Variants in SLC5A10 observed in about 807,000 individuals in gnomAD.
SLC5A10 encodes sodium/mannose cotransporter SLC5A10.
In SLC5A10, 55 loss-of-function variants were observed where a neutral mutation model predicts 68.9. That is an observed-to-expected ratio of 0.80 (90% CI 0.64 to 1.00). The LOEUF is 1.00. Among genes scored for constraint, SLC5A10 ranks in the 50% least tolerant of loss-of-function variants. SLC5A10 has a pLI of 0.00. For synonymous variants in SLC5A10, 344 were observed against 344.8 expected, an observed-to-expected ratio of 1.00 and a Z score of 0.02; for missense variants, 732 against 819.3, an observed-to-expected ratio of 0.89 and a Z score of 1.30.
rs1473582488 is a variant in SLC5A10 at position 18,981,594 on chromosome 17, C to T, written c.982+4605C>T. 3.3e-5 allele frequency among the ~76,000 whole-genome samples: 5 copies of T among 152,172 alleles called. 1 individual carries two copies. The highest frequency in any genetic ancestry group is 1.9e-4 in the East Asian group (1 of 5,192). On this transcript the variant is annotated intron_variant, in intron 9 of 14. Coordinates refer to ENST00000395645, the MANE Select transcript of SLC5A10 (RefSeq NM_001042450.4). ...AGCCTCCTGCCCTGCCAGTCCTTTC[C>T]GTGTCCCAGACCCCTGTGGCTGGGG... is the stretch of plus-strand genomic sequence containing the variant.
intron 8 of SLC5A10, among the ~76,000 whole-genome samples, chr17:18,974,820 T>C (rs2042939951): frequency 6.6e-6 from 1 of 152,076 alleles, no homozygotes; most frequent in Non-Finnish European, 1.5e-5. Context: ...AGGGAGTGAG[T>C]GCCGGCTTCC....
chr17:18,977,097 T>G, intron 9 of SLC5A10, 108 bp downstream of exon 9: 2 of 1,471,170 alleles, frequency 1.4e-6, no homozygotes, highest in Non-Finnish European at 1.8e-6. Context: ...ATGTGAACTG[T>G]TCCCCAACCT....
Position 19,003,543 on chromosome 17 carries a change from T to G in SLC5A10, c.983-9867T>G, listed in dbSNP as rs1345091134. ...ACCTTCTGTGCCTGGCTGATCATCT[T>G]CCGCACCACCTCTTTGATGTGGGCC... is the stretch of plus-strand genomic sequence containing the variant. On this transcript the variant is annotated intron_variant, in intron 9 of 14. Coordinates refer to ENST00000395645, the MANE Select transcript of SLC5A10 (RefSeq NM_001042450.4). This position sits in a 1 kb window ranked among gnomAD's most constrained non-coding sequence, Gnocchi z 4.5. The G allele has an allele frequency of 6.5e-7, 1 of 1,547,578 alleles. No individual in the cohort carries two copies. The highest frequency in any genetic ancestry group is 2.0e-5 in the Admixed American group (1 of 50,044).
intron 9 of SLC5A10, among the ~76,000 whole-genome samples, chr17:18,989,147 C>G (rs906604384): frequency 6.6e-6 from 1 of 152,206 alleles, no homozygotes; most frequent in Non-Finnish European, 1.5e-5. Context: ...AGACACATGT[C>G]CCACTTTTGG....
intron 1 of SLC5A10, among the ~76,000 whole-genome samples, chr17:18,952,691 A>G (rs1315473474): frequency 6.6e-6 from 1 of 151,872 alleles, no homozygotes; most frequent in Non-Finnish European, 1.5e-5. Context: ...CCCTGGCTGC[A>G]CCCCAGAGCT....
intron 1 of SLC5A10, 122 bp from the exon 2 acceptor site, chr17:18,958,560 A>C (rs2042548256): frequency 1.4e-6 from 1 of 719,628 alleles, no homozygotes; most frequent in Non-Finnish European, 2.4e-6. Flanking sequence ...TAGGAGTGGA[A>C]CTTCTGGGTC....
chr17:18,997,028 C>T (rs1418489232), intron 9 of SLC5A10, among the ~76,000 whole-genome samples: 1 of 152,236 alleles, frequency 6.6e-6, no homozygotes, highest in Non-Finnish European at 1.5e-5. Flanking sequence ...GGTCCCGTTC[C>T]CCTTGACATT....
At chr17:18,973,088 G>A (rs532485631) in intron 8 of SLC5A10, among the ~76,000 whole-genome samples, 19 of 152,350 alleles carry the variant, frequency 1.2e-4, no homozygotes, top group Middle Eastern at 6.8e-3. Context: ...CTCCTGGGAG[G>A]GCTGAGGGCC....
intron 1 of SLC5A10, among the ~76,000 whole-genome samples, chr17:18,957,868 T>A (rs965748981): frequency 1.3e-5 from 2 of 152,238 alleles, no homozygotes; most frequent in African/African-American, 4.8e-5. Context: ...CCTGTCCCCA[T>A]CAAAGTCAAG....
intron 9 of SLC5A10, chr17:18,988,389 A>G: frequency 6.2e-7 from 1 of 1,614,166 alleles, no homozygotes; most frequent in Non-Finnish European, 8.5e-7. Context: ...CACGTCGGTG[A>G]ACATGTCCAT....
At chr17:19,008,927 G>A (rs888324558) in intron 9 of SLC5A10, among the ~76,000 whole-genome samples, 8 of 151,034 alleles carry the variant, frequency 5.3e-5, no homozygotes, top group Admixed American at 4.6e-4. Flanking sequence ...TTCTCGTGCC[G>A]TAGCCTCCCA....
chr17:18,978,650 G>T (rs759934737), intron 9 of SLC5A10: 2 of 1,612,932 alleles, frequency 1.2e-6, no homozygotes, highest in Non-Finnish European at 1.7e-6. Flanking sequence ...CTTGGCCACA[G>T]TGCCCGCGGG....
In SLC5A10 at chr17:18,952,245, A is replaced by G. The variant is rs745578559; in HGVS notation, c.40A>G (p.Thr14Ala). 6.2e-7 allele frequency: 1 copy of G among 1,613,866 alleles called. No individual in the cohort carries two copies. Among genetic ancestry groups the G allele is most frequent in the Non-Finnish European group, 8.5e-7 (1 of 1,179,910 alleles). ...NSTSDLHTPGTQLSVADIIVI... is the reference protein window; with the variant it reads ...NSTSDLHTPGAQLSVADIIVI... ...CACCAGCGACCTCCACACTCCCGGG[A>G]CGCAGCTGAGCGTGGCTGACATCAT... The change falls in exon 1 of 15, where the codon ACG (threonine) becomes GCG (alanine). Residue 14 changes from threonine to alanine, a missense_variant. Physicochemically the swap from Thr to Ala is moderately conservative, Grantham distance 58. Transcript: ENST00000395645.
rs1427245564 is a variant in SLC5A10, at chr17:19,004,780, G to GCCGGTGACTCAGGGCCGCC, written c.983-8626_983-8608dup. The GCCGGTGACTCAGGGCCGCC allele has an allele frequency of 6.6e-6, 1 of 150,422 alleles. No homozygotes were observed. Among genetic ancestry groups the GCCGGTGACTCAGGGCCGCC allele is most frequent in the Non-Finnish European group, 1.5e-5 (1 of 67,366 alleles). 9.3% of individuals were successfully genotyped at this position (150,422 alleles called of 1,614,324 possible). On this transcript the variant is annotated intron_variant, in intron 9 of 14. Transcript: ENST00000395645. The surrounding 1 kb of genome is among the most constrained non-coding windows in gnomAD (Gnocchi z 5.4). ...GCGGCGCGAGGCTGGGCGGGGGCGC[G>GCCGGTGACTCAGGGCCGCC]CCGGTGACTCAGGGCCGCCCCGCTT... is the stretch of plus-strand genomic sequence containing the variant.
At chr17:19,007,596 G>C (rs2043920599) in intron 9 of SLC5A10, among the ~76,000 whole-genome samples, 1 of 152,094 alleles carries the variant, frequency 6.6e-6, no homozygotes, top group African/African-American at 2.4e-5. Flanking sequence ...GTAGAATCAT[G>C]GTCTTGCTAT....
At chr17:18,978,643 G>A (rs932870371) in intron 9 of SLC5A10, 2 of 1,612,942 alleles carry the variant, frequency 1.2e-6, no homozygotes, top group Non-Finnish European at 1.7e-6. Flanking sequence ...CGAGCTTCTT[G>A]GCCACAGTGC....
intron 8 of SLC5A10, among the ~76,000 whole-genome samples, chr17:18,974,144 G>A (rs1182339342): frequency 6.6e-6 from 1 of 151,908 alleles, no homozygotes; most frequent in African/African-American, 2.4e-5. Flanking sequence ...GCCCACCTAG[G>A]CCTCCCAAAG....
chr17:19,019,518 T>C lies in SLC5A10; in HGVS notation c.1337T>C (p.Val446Ala). The C allele has an allele frequency of 6.2e-7, 1 of 1,612,540 alleles. No homozygotes were observed. The highest frequency in any genetic ancestry group is 8.5e-7 in the Non-Finnish European group (1 of 1,179,974). Residue 446 changes from valine to alanine, a missense_variant, in exon 12 of 15, where the codon GTG becomes GCG. Transcript: ENST00000395645. ...SGQLFIYMQS[V>A]TSSLAPPVTA... is the part of the protein sequence containing the mutation. ...CAACTCTTCATCTACATGCAGTCAG[T>C]GACCAGCTCCCTGGCCCCACCAGTG...
Position 19,019,851 on chromosome 17 carries a change from G to T in SLC5A10, c.1549G>T (p.Ala517Ser). The T allele has an allele frequency of 1.2e-6, 2 of 1,613,370 alleles. No individual in the cohort carries two copies. The highest frequency in any genetic ancestry group is 8.5e-7 in the Non-Finnish European group (1 of 1,179,924). Reference sequence around the variant, plus strand: ...GGGGAGCATCCACTACCTGCACTTCGCTGTCGCCCTCTTTGCACTCAGTGG... The same window carrying T: ...GGGGAGCATCCACTACCTGCACTTCTCTGTCGCCCTCTTTGCACTCAGTGG... Reference protein sequence around the residue: ...VLGSIHYLHFAVALFALSGAV... With the variant: ...VLGSIHYLHFSVALFALSGAV... The change falls in exon 13 of 15, where the codon GCT (alanine) becomes TCT (serine). Residue 517 changes from alanine to serine, a missense_variant. Ala to Ser is a moderately conservative substitution (Grantham distance 99, BLOSUM62 1). Transcript: ENST00000395645.
Sources: allele counts gnomAD v4.1 joint callset (sites outside exome capture counted in the v4.1 genomes callset), GRCh38; gene constraint gnomAD v4.1.1; non-coding constraint Gnocchi (gnomAD v3.1); transcripts MANE v1.5; gene names NCBI Gene and HGNC (gene_info 2026-07-23, HGNC 2026-07-21).